CAPG: variants seen among roughly 807,000 people sequenced by gnomAD.
The protein encoded by CAPG is capping actin protein, gelsolin like.
A neutral mutation model predicts 44.6 loss-of-function variants in CAPG; 32 were observed. That is an observed-to-expected ratio of 0.72 (90% CI 0.54 to 0.96). CAPG has a LOEUF of 0.96. Ranked by LOEUF, CAPG falls within the 50% of genes least tolerant of loss-of-function variation. CAPG has a pLI of 0.00. For missense variants in CAPG, 412 were observed against 438.3 expected (o/e 0.94, Z 0.54); for synonymous variants, 175 against 179.6 (o/e 0.97, Z 0.20).
chr2:85,402,671 G>T (rs1686961118), intron 1 of CAPG, among the ~76,000 whole-genome samples: 1 of 152,052 alleles, frequency 6.6e-6, no homozygotes, highest in African/African-American at 2.4e-5. Context: ...TTGCCATGTT[G>T]CCCAGGCTGG....
intron 1 of CAPG, among the ~76,000 whole-genome samples, chr2:85,406,259 A>AAAAGAAAAG (rs1553426956): frequency 6.6e-6 from 1 of 151,386 alleles, no homozygotes; most frequent in African/African-American, 2.4e-5. Flanking sequence ...TTCAAAAAAA[A>AAAAGAAAAG]AAAAAGAAAA....
At position 85,401,899 on chromosome 2, in the gene CAPG, T is replaced by C. The variant is rs745794232; in HGVS notation, c.82A>G (p.Lys28Glu). 20 of 1,612,518 alleles carry C rather than the reference T, an allele frequency of 1.2e-5. No individual in the cohort carries two copies. The highest frequency in any genetic ancestry group is 1.7e-5 in the Non-Finnish European group (20 of 1,179,712). ...DPGLHVWRVE[K>E]LKPVPVAQEN... is the part of the protein sequence containing the mutation. ...TGCGCCACAGGCACCGGCTTCAGCTTCTCCACCCGCCACACATGCAGGCCT... is the reference window on the plus strand; with the variant it reads ...TGCGCCACAGGCACCGGCTTCAGCTCCTCCACCCGCCACACATGCAGGCCT... The change falls in exon 3 of 10, where the codon AAG becomes GAG. Residue 28 changes from lysine to glutamate, a missense_variant. Lys to Glu is a moderately conservative substitution (Grantham distance 56). Transcript: ENST00000263867.
At chr2:85,413,215 C>CA (rs200861256), upstream of CAPG, 3,600 of 152,378 alleles carry the variant, frequency 0.024, 74 homozygotes, top group African/African-American at 0.057. Flanking sequence ...CACTGTTCCT[C>CA]ACACTCAGCT....
rs771374441 is a variant in CAPG, at chr2:85,398,120, G to A, written c.792C>T (p.Thr264=). The part of the protein sequence containing the change: ...VSDATGQMNL[T]KVADSSPFAL... ...CAAATGGGCTGGAGTCAGCCACCTT[G>A]GTCAGGTTCATCTGTCCAGTGGCAT... The change falls in exon 8 of 10, where the codon ACC becomes ACT. Residue 264 remains threonine (T), a synonymous_variant. Coordinates refer to ENST00000263867, the MANE Select transcript of CAPG (RefSeq NM_001747.4). 5.6e-6 allele frequency: 9 copies of A among 1,613,892 alleles called. No individual in the cohort carries two copies. The Admixed American group carries it at 1.0e-4, about 18-fold the overall frequency.
chr2:85,415,559 C>T (rs978051727), intron 1 of CAPG, among the ~76,000 whole-genome samples: 33 of 152,212 alleles, frequency 2.2e-4, no homozygotes, highest in African/African-American at 7.2e-4. Flanking sequence ...TGTGCTTCCT[C>T]CACCATAATG....
At chr2:85,409,015 T>C (rs1687301382) in intron 1 of CAPG, among the ~76,000 whole-genome samples, 1 of 152,138 alleles carries the variant, frequency 6.6e-6, no homozygotes, top group Non-Finnish European at 1.5e-5. Flanking sequence ...CTTCTACACC[T>C]CTTAAAGCCT....
In CAPG at chr2:85,401,228, G is replaced by A. The variant is rs769755908; in HGVS notation, c.453C>T (p.Thr151=). The A allele has an allele frequency of 2.2e-5, 35 of 1,614,154 alleles. 1 individual carries two copies. The highest frequency in any genetic ancestry group is 1.2e-4 in the South Asian group (11 of 91,088). The change falls in exon 5 of 10, where the codon ACC becomes ACT. Residue 151 remains threonine, a synonymous_variant. Coordinates refer to ENST00000263867, the MANE Select transcript of CAPG (RefSeq NM_001747.4). ...QVKGKKNIRA[T]ERALNWDSFN... is the part of the protein sequence containing the mutation. ...AGCTGTCCCAGTTCAGTGCCCGCTC[G>A]GTGGCACGGATGTTCTTCTTCCCCT...
In CAPG at chr2:85,395,998, C is replaced by A; in HGVS notation, c.893-372G>T. ...CCCTCACCTCTTGAATTCATCAAGCCTTTTCTGAAAAACTAAATAAGACAA... is the reference window on the plus strand; with the variant it reads ...CCCTCACCTCTTGAATTCATCAAGCATTTTCTGAAAAACTAAATAAGACAA... On this transcript the variant is annotated intron_variant, in intron 8 of 9. Transcript: ENST00000263867. This position sits in a 1 kb window ranked among gnomAD's most constrained non-coding sequence, Gnocchi z 4.3. 1 of 205,880 alleles carries A rather than the reference C, an allele frequency of 4.9e-6. No homozygotes were observed. The highest frequency in any genetic ancestry group is 9.9e-6 in the Non-Finnish European group (1 of 100,806). 12.8% of individuals were successfully genotyped at this position (205,880 alleles called of 1,614,324 possible).
Position 85,395,464 on chromosome 2 carries a change from C to T in CAPG, c.981+74G>A. ...AGTGCCCAAGGCTCTCCTGCCCTTCCTGGCCAATTTGAGGGGTCAGGGGCC... is the reference window on the plus strand; with the variant it reads ...AGTGCCCAAGGCTCTCCTGCCCTTCTTGGCCAATTTGAGGGGTCAGGGGCC... On this transcript the variant is annotated intron_variant, in intron 9 of 9. Transcript: ENST00000263867. This position sits in a 1 kb window ranked among gnomAD's most constrained non-coding sequence, Gnocchi z 4.3. 1 of 1,277,362 alleles carries T rather than the reference C, an allele frequency of 7.8e-7. No individual in the cohort carries two copies. Among genetic ancestry groups the T allele is most frequent in the Non-Finnish European group, 1.1e-6 (1 of 892,360 alleles). 79.1% of individuals were successfully genotyped at this position (1,277,362 alleles called of 1,614,324 possible). A position where few individuals can be genotyped will look rare whatever the true frequency, so the allele number is the denominator to read the frequency against.
At chr2:85,399,947 G>A (rs1686803022) in intron 5 of CAPG, among the ~76,000 whole-genome samples, 1 of 151,970 alleles carries the variant, frequency 6.6e-6, no homozygotes, top group Non-Finnish European at 1.5e-5. Context: ...CTCCATGTTG[G>A]TCAGGCTGGT....
At chr2:85,412,030 C>G (rs1687427731), upstream of CAPG, among the ~76,000 whole-genome samples, 1 of 151,840 alleles carries the variant, frequency 6.6e-6, no homozygotes, top group African/African-American at 2.4e-5. Context: ...CCACTGCACT[C>G]CAGCCTGGGA....
chr2:85,404,772 A>C (rs1687070267), intron 1 of CAPG, among the ~76,000 whole-genome samples: 1 of 151,660 alleles, frequency 6.6e-6, no homozygotes, highest in South Asian at 2.1e-4. Context: ...AAATAAAATA[A>C]ATAAAAATCA....
chr2:85,407,385 C>G (rs1174566637), intron 1 of CAPG, among the ~76,000 whole-genome samples: 1 of 152,062 alleles, frequency 6.6e-6, no homozygotes. Context: ...CAAATGCTCA[C>G]CTGCACATTA....
rs1400326726 is a variant in CAPG at position 85,402,051 on chromosome 2, A to G, written c.23+72T>C. 5 of 1,607,912 alleles carry G rather than the reference A, an allele frequency of 3.1e-6. No homozygotes were observed. In the South Asian group the frequency reaches 4.4e-5, roughly 14 times the overall value. On this transcript the variant is annotated intron_variant, in intron 2 of 9. Coordinates refer to ENST00000263867, the MANE Select transcript of CAPG (RefSeq NM_001747.4). ...GCGACTGCAGTCTGGGGATGAGGAG[A>G]GCAGTGGGGAGGGGCAGCCCTTGGA...
intron 1 of CAPG, among the ~76,000 whole-genome samples, chr2:85,417,196 G>A (rs1395480440): frequency 1.3e-5 from 2 of 152,190 alleles, no homozygotes; most frequent in Admixed American, 6.5e-5. Flanking sequence ...TAACACTATT[G>A]TGTGCTGCCA....
chr2:85,398,258 G>T (rs546415955), intron 7 of CAPG, 106 bp from the exon 8 acceptor site: 1 of 1,293,514 alleles, frequency 7.7e-7, no homozygotes. Context: ...ACTGTGCCTC[G>T]CTGCCCACTG....
chr2:85,393,934 T>C (rs970934357), downstream of CAPG, among the ~76,000 whole-genome samples: 1 of 152,200 alleles, frequency 6.6e-6, no homozygotes, highest in Non-Finnish European at 1.5e-5. Flanking sequence ...AATTTTTGTT[T>C]TGGGATGAAA....
Position 85,401,628 on chromosome 2 carries a change from G to A in CAPG, c.252C>T (p.Leu84=). ...QGACAVLAVH[L]NTLLGERPVQ... is the part of the protein sequence containing the mutation. ...CAGGCCGCTCTCCCAGCAGCGTGTTGAGGTGCACAGCCAGCACGGCACAGG... is the reference window on the plus strand; with the variant it reads ...CAGGCCGCTCTCCCAGCAGCGTGTTAAGGTGCACAGCCAGCACGGCACAGG... The change falls in exon 4 of 10, where the codon CTC becomes CTT. Residue 84 remains leucine (L), a synonymous_variant. Transcript: ENST00000263867. 6.2e-7 allele frequency: 1 copy of A among 1,614,108 alleles called. No individual in the cohort carries two copies. Among genetic ancestry groups the A allele is most frequent in the Non-Finnish European group, 8.5e-7 (1 of 1,179,974 alleles).
intron 6 of CAPG, 72 bp downstream of exon 6, chr2:85,399,061 CCCT>C: frequency 1.3e-6 from 2 of 1,524,898 alleles, no homozygotes; most frequent in Middle Eastern, 2.0e-4. Context: ...CCACTCTCAG[CCCT>C]CAGCTCATCA....
Sources: allele counts gnomAD v4.1 joint callset (sites outside exome capture counted in the v4.1 genomes callset), GRCh38; gene constraint gnomAD v4.1.1; non-coding constraint Gnocchi (gnomAD v3.1); transcripts MANE v1.5; gene names NCBI Gene and HGNC (gene_info 2026-07-23, HGNC 2026-07-21).